The following MGLL variants were observed in gnomAD, a reference collection of about 807,000 sequenced individuals.
MGLL encodes the protein lysophospholipase homolog.
A neutral mutation model predicts 29.1 loss-of-function variants in MGLL; 7 were observed. That is an observed-to-expected ratio of 0.24 (90% CI 0.14 to 0.45). MGLL has a LOEUF of 0.45. Ranked by LOEUF, MGLL falls within the 20% of genes least tolerant of loss-of-function variation. The pLI, the probability that MGLL is intolerant of heterozygous loss-of-function variation, is 0.99. For synonymous variants in MGLL, 148 were observed against 168.3 expected (o/e 0.88, Z 0.93); for missense variants, 356 against 413.6 (o/e 0.86, Z 1.21).
chr3:127,691,923 T>C lies in MGLL; in HGVS notation c.*275A>G. ...GAGGCAGGGCAGAGGCTTGGCTTTG[T>C]TTTCAGTGGACATTTTAGCACATTC... On this transcript the variant is annotated 3_prime_UTR_variant, in exon 8 of 8. Coordinates refer to ENST00000265052, the MANE Select transcript of MGLL (RefSeq NM_007283.7). 2.2e-6 allele frequency: 1 copy of C among 451,274 alleles called. No homozygotes were observed. Among genetic ancestry groups the C allele is most frequent in the South Asian group, 2.3e-5 (1 of 44,312 alleles). 28.0% of individuals were successfully genotyped at this position (451,274 alleles called of 1,614,324 possible).
At chr3:127,755,101 G>T (rs1473509722) in intron 3 of MGLL, among the ~76,000 whole-genome samples, 3 of 152,190 alleles carry the variant, frequency 2.0e-5, no homozygotes, top group Non-Finnish European at 4.4e-5. Context: ...TGCGGGGGCT[G>T]TTCTTTTTGC....
At chr3:127,815,775 G>C (rs1008008896) in intron 2 of MGLL, among the ~76,000 whole-genome samples, 1 of 152,206 alleles carries the variant, frequency 6.6e-6, no homozygotes, top group African/African-American at 2.4e-5. Flanking sequence ...TTGCACAAAG[G>C]CTCTGCGTGG....
At chr3:127,756,913 AG>A (rs1322781884) in intron 3 of MGLL, among the ~76,000 whole-genome samples, 3 of 152,056 alleles carry the variant, frequency 2.0e-5, no homozygotes, top group Non-Finnish European at 4.4e-5. Flanking sequence ...TCGTCTTCCT[AG>A]GAAGACCTCC....
chr3:127,734,856 A>C (rs1000310664), intron 3 of MGLL, among the ~76,000 whole-genome samples: 3 of 152,220 alleles, frequency 2.0e-5, no homozygotes, highest in African/African-American at 7.2e-5. Context: ...CCTGACTGTG[A>C]GGAGGACAGA....
At position 127,692,210 on chromosome 3, in the gene MGLL, C is replaced by T. The variant is rs756004267; in HGVS notation, c.930G>A (p.Ala310=). ...CCGGCCAATGCATTCAGGGTGGGGA[C>T]GCAGTTCCTGCCGTGGCTGTCCTTT... ...VSQRTATAGT[A]SPP Residue 310 remains alanine, a synonymous_variant, in exon 8 of 8, where the codon GCG becomes GCA. Transcript: ENST00000265052. 1.4e-5 allele frequency: 23 copies of T among 1,611,980 alleles called. No homozygotes were observed. Among genetic ancestry groups the T allele is most frequent in the South Asian group, 6.6e-5 (6 of 91,052 alleles).
intron 6 of MGLL, among the ~76,000 whole-genome samples, chr3:127,696,396 CTTTTTTTTTTTTTTTTT>C (rs545853423): frequency 3.4e-4 from 17 of 49,378 alleles, no homozygotes; most frequent in Admixed American, 1.1e-3. Flanking sequence ...CCTGATGCTT[CTTTTTTTTTTTTTTTTT>C]TTTTTTTTTT....
chr3:127,713,264 G>A (rs1451490379), intron 5 of MGLL: 1 of 152,252 alleles, frequency 6.6e-6, no homozygotes, highest in African/African-American at 2.4e-5. Flanking sequence ...GGCCGAAGTG[G>A]AGCCCTGGCA....
rs1286744236 is a variant in MGLL at position 127,808,946 on chromosome 3, T to C, written c.155+12748A>G. On this transcript the variant is annotated intron_variant, in intron 2 of 7. Transcript: ENST00000265052. ...GAAAGAATCAGAACATACCTGGTGG[T>C]TGAGACACATCGGTGTGGATTTTTG... 3.4e-5 allele frequency among the ~76,000 whole-genome samples: 5 copies of C among 146,906 alleles called. No homozygotes were observed. The East Asian group carries it at 9.6e-4, about 28-fold the overall frequency.
chr3:127,698,980 C>A (rs1027634299), intron 6 of MGLL, among the ~76,000 whole-genome samples: 1 of 152,242 alleles, frequency 6.6e-6, no homozygotes, highest in African/African-American at 2.4e-5. Flanking sequence ...TCCAAGTGAC[C>A]ACCCCCACCA....
intron 3 of MGLL, among the ~76,000 whole-genome samples, chr3:127,764,596 C>A (rs2076824189): frequency 6.6e-6 from 1 of 152,090 alleles, no homozygotes; most frequent in African/African-American, 2.4e-5. Flanking sequence ...AGGTTCAAGG[C>A]AACGTCTGAA....
intron 2 of MGLL, among the ~76,000 whole-genome samples, chr3:127,783,156 A>AG: frequency 6.6e-6 from 1 of 151,256 alleles, no homozygotes; most frequent in Non-Finnish European, 1.5e-5. Flanking sequence ...AAAAAAAAAA[A>AG]AAAAAAAAAA....
At chr3:127,766,703 A>C (rs899285359) in intron 3 of MGLL, among the ~76,000 whole-genome samples, 5 of 152,216 alleles carry the variant, frequency 3.3e-5, no homozygotes, top group Non-Finnish European at 5.9e-5. Context: ...ACATGACATA[A>C]ATTTTTATGA....
chr3:127,812,452 A>T (rs1430477630), intron 2 of MGLL, among the ~76,000 whole-genome samples: 2 of 152,212 alleles, frequency 1.3e-5, no homozygotes, highest in Non-Finnish European at 2.9e-5. Flanking sequence ...TCATTTGAAG[A>T]AACAAAAAAG....
chr3:127,760,446 C>G (rs1218333499), intron 3 of MGLL, among the ~76,000 whole-genome samples: 1 of 152,250 alleles, frequency 6.6e-6, no homozygotes, highest in Non-Finnish European at 1.5e-5. Flanking sequence ...ACCTTGTTCT[C>G]CCCCTGCAGT....
intron 2 of MGLL, among the ~76,000 whole-genome samples, chr3:127,812,655 C>T (rs1283136908): frequency 2.0e-5 from 3 of 152,140 alleles, no homozygotes; most frequent in Non-Finnish European, 2.9e-5. Context: ...GGCACAGGTC[C>T]GCAGAGTCCC....
chr3:127,740,702 C>T (rs568874751), intron 3 of MGLL, among the ~76,000 whole-genome samples: 3 of 152,160 alleles, frequency 2.0e-5, no homozygotes, highest in African/African-American at 4.8e-5. Context: ...GTCACCAGTG[C>T]GGGGACAATG....
chr3:127,774,056 C>G (rs1412310835), intron 3 of MGLL, among the ~76,000 whole-genome samples: 1 of 152,232 alleles, frequency 6.6e-6, no homozygotes, highest in Non-Finnish European at 1.5e-5. Context: ...GCTCACAGCC[C>G]TCCCTCCAGT....
At chr3:127,803,680 G>C (rs889789653) in intron 2 of MGLL, among the ~76,000 whole-genome samples, 4 of 152,196 alleles carry the variant, frequency 2.6e-5, no homozygotes, top group African/African-American at 9.7e-5. Flanking sequence ...TGAGTGTGCA[G>C]AGCATGAGTC....
At chr3:127,710,956 C>G (rs1236348606) in intron 5 of MGLL, 2 of 442,020 alleles carry the variant, frequency 4.5e-6, no homozygotes, top group Non-Finnish European at 8.5e-6. Flanking sequence ...TCCCCATGAT[C>G]GCTCATGGGT....
Sources: gnomAD v4.1 joint callset for allele counts (sites outside exome capture counted in the v4.1 genomes callset) on GRCh38, gnomAD v4.1.1 for gene constraint, MANE v1.5 for transcripts, NCBI Gene and HGNC (gene_info 2026-07-23, HGNC 2026-07-21) for gene names.